The following ARHGAP6 variants were observed in gnomAD, a reference collection of about 807,000 sequenced individuals.
The protein encoded by ARHGAP6 is Rho GTPase activating protein 6, also known as rho GTPase-activating protein 6.
A neutral mutation model predicts 55.7 loss-of-function variants in ARHGAP6; 16 were observed. That is an observed-to-expected ratio of 0.29 (90% CI 0.19 to 0.44). The LOEUF is 0.44. ARHGAP6 is among the 20% of genes least tolerant of loss of function. The pLI, the probability that ARHGAP6 is intolerant of heterozygous loss-of-function variation, is 1.00. For missense variants in ARHGAP6, 698 were observed against 808.9 expected (o/e 0.86, Z 1.66); for synonymous variants, 382 against 360.9 (o/e 1.06, Z -0.66).
intron 1 of ARHGAP6, among the ~76,000 whole-genome samples, chrX:11,292,588 C>T (rs948997230): frequency 5.4e-5 from 6 of 111,514 alleles, no homozygotes; most frequent in East Asian, 2.8e-4. Context: ...AAAGAAGGGC[C>T]GCCATACTGA....
intron 2 of ARHGAP6, among the ~76,000 whole-genome samples, chrX:11,249,739 T>C: frequency 8.9e-6 from 1 of 112,456 alleles, no homozygotes; most frequent in South Asian, 3.6e-4. Context: ...TTTTATGCAA[T>C]AGAGAAGTTA....
intron 2 of ARHGAP6, among the ~76,000 whole-genome samples, chrX:11,205,602 A>C (rs2046693826): frequency 9.0e-6 from 1 of 111,207 alleles, no homozygotes; most frequent in Admixed American, 9.6e-5. Flanking sequence ...AGTATACCCC[A>C]CCTTTTATGA....
chrX:11,353,689 T>C (rs1334574102), intron 1 of ARHGAP6, among the ~76,000 whole-genome samples: 1 of 109,328 alleles, frequency 9.1e-6, no homozygotes, highest in Non-Finnish European at 1.9e-5. Flanking sequence ...GATAAGGAGT[T>C]TGAAATTAGA....
intron 1 of ARHGAP6, among the ~76,000 whole-genome samples, chrX:11,452,717 C>G (rs2050155241): frequency 8.9e-6 from 1 of 111,873 alleles, no homozygotes. Context: ...TGCTCACATA[C>G]CATGACAGCT....
At chrX:11,529,993 C>G (rs2051031263) in intron 1 of ARHGAP6, among the ~76,000 whole-genome samples, 1 of 111,734 alleles carries the variant, frequency 8.9e-6, no homozygotes, top group African/African-American at 3.3e-5. Context: ...GGATTTGCCA[C>G]TTCAGAAAGC....
intron 1 of ARHGAP6, among the ~76,000 whole-genome samples, chrX:11,262,610 C>T (rs2047575586): frequency 9.0e-6 from 1 of 111,589 alleles, no homozygotes; most frequent in Non-Finnish European, 1.9e-5. Context: ...GGACCCAAGG[C>T]ATCGGAATCA....
chrX:11,485,422 T>G (rs1366710214), intron 1 of ARHGAP6, among the ~76,000 whole-genome samples: 2 of 112,124 alleles, frequency 1.8e-5, no homozygotes, highest in Non-Finnish European at 3.8e-5. Context: ...GAAGTAAAAT[T>G]GTAGGAAATG....
At chrX:11,292,120 A>T (rs1369009713) in intron 1 of ARHGAP6, among the ~76,000 whole-genome samples, 2 of 112,209 alleles carry the variant, frequency 1.8e-5, no homozygotes, top group Non-Finnish European at 3.8e-5. Context: ...CAGACAGGCT[A>T]AGTAATTTGT....
At chrX:11,622,595 A>G (rs1278126835) in intron 1 of ARHGAP6, among the ~76,000 whole-genome samples, 2 of 111,588 alleles carry the variant, frequency 1.8e-5, no homozygotes, top group Admixed American at 1.9e-4. Context: ...CTGCTGTGTC[A>G]CAAAAATGAC....
rs1221645044 is a variant in ARHGAP6, at chrX:11,354,904, A to G, written c.589-100197T>C. Among the ~76,000 whole-genome samples, 5 of 112,051 alleles carry G rather than the reference A, an allele frequency of 4.5e-5. No homozygotes were observed. In the East Asian group the frequency reaches 1.4e-3, roughly 31 times the overall value. The stretch of plus-strand genomic sequence containing the variant: ...ACAACTAAGCTAGGAAGAATGCATA[A>G]TATAATAGAAGAGAGAATTGGGGTT... On this transcript the variant is annotated intron_variant, in intron 1 of 12. Coordinates refer to ENST00000337414, the MANE Select transcript of ARHGAP6 (RefSeq NM_013427.3).
chrX:11,425,118 C>T (rs1411631674), intron 1 of ARHGAP6, among the ~76,000 whole-genome samples: 1 of 111,715 alleles, frequency 9.0e-6, no homozygotes, highest in Non-Finnish European at 1.9e-5. Flanking sequence ...TCACCTTGGA[C>T]AAACGAAAAA....
At chrX:11,523,796 G>A (rs146802796) in intron 1 of ARHGAP6, among the ~76,000 whole-genome samples, 8,420 of 110,931 alleles carry the variant, frequency 0.076, 325 homozygotes, top group Non-Finnish European at 0.12. Context: ...GGGGGAGGGT[G>A]TGGAAAGGCA....
chrX:11,223,033 C>T (rs1196056627), intron 2 of ARHGAP6: 4 of 116,306 alleles, frequency 3.4e-5, no homozygotes, highest in African/African-American at 1.3e-4. Context: ...AACGATCTTT[C>T]CATTTTGCAT....
At chrX:11,574,814 C>T (rs5979420) in intron 1 of ARHGAP6, among the ~76,000 whole-genome samples, 34,849 of 106,910 alleles carry the variant, frequency 0.33, 4,859 homozygotes, top group African/African-American at 0.44. Flanking sequence ...CATGATTGTA[C>T]ATCTAGAAAA....
At chrX:11,186,750 C>T (rs1460446770) in intron 4 of ARHGAP6, among the ~76,000 whole-genome samples, 1 of 111,234 alleles carries the variant, frequency 9.0e-6, no homozygotes, top group Non-Finnish European at 1.9e-5. Flanking sequence ...TTTCTTGAAA[C>T]AAGAAAAAAA....
intron 1 of ARHGAP6, among the ~76,000 whole-genome samples, chrX:11,320,674 A>G (rs2048420929): frequency 9.1e-6 from 1 of 109,556 alleles, no homozygotes; most frequent in Admixed American, 9.9e-5. Flanking sequence ...ATGGTATCAG[A>G]ACAGAATAGT....
At chrX:11,360,304 C>T (rs1290259196) in intron 1 of ARHGAP6, among the ~76,000 whole-genome samples, 2 of 111,409 alleles carry the variant, frequency 1.8e-5, no homozygotes, top group Non-Finnish European at 3.8e-5. Flanking sequence ...AAAGCTTATC[C>T]ACCATGATCA....
intron 2 of ARHGAP6, among the ~76,000 whole-genome samples, chrX:11,222,785 T>C (rs1162057940): frequency 8.9e-6 from 1 of 112,217 alleles, no homozygotes; most frequent in Non-Finnish European, 1.9e-5. Flanking sequence ...ACTTAATGAG[T>C]TGTGACAGTA....
intron 1 of ARHGAP6, among the ~76,000 whole-genome samples, chrX:11,406,369 C>A (rs1031203940): frequency 2.7e-5 from 3 of 111,544 alleles, no homozygotes; most frequent in African/African-American, 9.8e-5. Context: ...AAATACTTGA[C>A]AGCATGTAAG....
Sources: gnomAD v4.1 joint callset for allele counts (sites outside exome capture counted in the v4.1 genomes callset) on GRCh38, gnomAD v4.1.1 for gene constraint, MANE v1.5 for transcripts, NCBI Gene and HGNC (gene_info 2026-07-23, HGNC 2026-07-21) for gene names.